ZNF385D: variants seen among roughly 807,000 people sequenced by gnomAD.
ZNF385D encodes zinc finger protein 659.
Under a neutral mutation model 35.8 loss-of-function variants are expected in ZNF385D, and 15 were observed. The observed-to-expected ratio is 0.42, with a 90% CI of 0.28 to 0.64. The LOEUF (loss-of-function observed/expected upper bound fraction) is 0.64. Ranked by LOEUF, ZNF385D falls within the 30% of genes least tolerant of loss-of-function variation. The pLI is 0.23. For synonymous variants in ZNF385D, 212 were observed against 186.8 expected (o/e 1.13, Z -1.10); for missense variants, 474 against 494.6 (o/e 0.96, Z 0.39).
intron 2 of ZNF385D, among the ~76,000 whole-genome samples, chr3:22,177,647 T>G (rs2125772941): frequency 6.6e-6 from 1 of 152,330 alleles, no homozygotes; most frequent in African/African-American, 2.4e-5. Flanking sequence ...GTTTGTTACA[T>G]ATGTATACAT....
chr3:21,635,571 T>C (rs112903621), intron 2 of ZNF385D, among the ~76,000 whole-genome samples: 322 of 152,056 alleles, frequency 2.1e-3, no homozygotes, highest in African/African-American at 6.4e-3. Flanking sequence ...TTTGTTGTTG[T>C]TGTTGTTTCC....
rs374965415 is a variant in ZNF385D at position 22,275,695 on chromosome 3, C to T, written c.106+96755G>A. ...TCAACTTTAATAAATGACAGAAAAG[C>T]CATATCCTTATATCTGGTGATGTCA... On this transcript the variant is annotated intron_variant, in intron 2 of 5. Coordinates refer to the ZNF385D transcript ENST00000494108. Among the ~76,000 whole-genome samples the T allele has an allele frequency of 3.9e-4, 59 of 152,180 alleles. No individual in the cohort carries two copies. In the East Asian group the frequency reaches 7.7e-3, roughly 20 times the overall value.
In ZNF385D at chr3:21,889,471, G is replaced by A. The variant is rs1441275128; in HGVS notation, c.326-224443C>T. ...TAGCACCCAGTGGGGAGGGGTTCCA[G>A]GAACCCACAGTGCTCTTTACAGAAG... On this transcript the variant is annotated intron_variant, in intron 3 of 5. Transcript: ENST00000494108. Among the ~76,000 whole-genome samples, 4 of 152,174 alleles carry A rather than the reference G, an allele frequency of 2.6e-5. No homozygotes were observed. In the East Asian group the frequency reaches 7.7e-4, roughly 29 times the overall value.
chr3:22,371,965 G>T (rs1160409760), intron 2 of ZNF385D, among the ~76,000 whole-genome samples: 1 of 152,158 alleles, frequency 6.6e-6, no homozygotes, highest in Admixed American at 6.5e-5. Flanking sequence ...AAGGAAGCAG[G>T]AAGCTGTCCC....
At chr3:22,366,358 G>A (rs1437158909) in intron 2 of ZNF385D, among the ~76,000 whole-genome samples, 4 of 151,972 alleles carry the variant, frequency 2.6e-5, no homozygotes, top group Admixed American at 6.6e-5. Flanking sequence ...TGTCAACTTC[G>A]ATATTCCCAG....
At chr3:22,313,143 GC>G (rs1703672816) in intron 2 of ZNF385D, among the ~76,000 whole-genome samples, 1 of 151,192 alleles carries the variant, frequency 6.6e-6, no homozygotes, top group African/African-American at 2.4e-5. Flanking sequence ...GCAAACTATC[GC>G]CAAGGACAAA....
chr3:22,208,125 A>C (rs1697275855), intron 2 of ZNF385D, among the ~76,000 whole-genome samples: 1 of 152,012 alleles, frequency 6.6e-6, no homozygotes, highest in African/African-American at 2.4e-5. Flanking sequence ...AGATATATAA[A>C]ATAACATGCT....
chr3:21,539,156 G>T lies in ZNF385D; in HGVS notation c.276+25418C>A, dbSNP rs981238070. ...TAATAATGCAACCCTTGACAAACCTGATCAACTCCTATCCCAGGAAGATTC... is the reference window on the plus strand; with the variant it reads ...TAATAATGCAACCCTTGACAAACCTTATCAACTCCTATCCCAGGAAGATTC... On this transcript the variant is annotated intron_variant, in intron 3 of 7. Coordinates refer to ENST00000281523, the MANE Select transcript of ZNF385D (RefSeq NM_024697.3). The surrounding 1 kb of genome is among the most constrained non-coding windows in gnomAD (Gnocchi z 4.0). Among the ~76,000 whole-genome samples the T allele has an allele frequency of 3.3e-5, 5 of 151,962 alleles. No individual in the cohort carries two copies. The highest frequency in any genetic ancestry group is 1.2e-4 in the African/African-American group (5 of 41,390).
chr3:21,947,684 A>AT (rs1036929443), intron 3 of ZNF385D, among the ~76,000 whole-genome samples: 18 of 152,038 alleles, frequency 1.2e-4, no homozygotes, highest in South Asian at 4.1e-4. Flanking sequence ...TTGCATGACT[A>AT]TTTTTTGCGT....
intron 2 of ZNF385D, among the ~76,000 whole-genome samples, chr3:21,643,891 C>T (rs2065677364): frequency 6.6e-6 from 1 of 152,044 alleles, no homozygotes; most frequent in Admixed American, 6.6e-5. Flanking sequence ...TGGTTTAGAA[C>T]AAAGGGCAAC....
intron 2 of ZNF385D, among the ~76,000 whole-genome samples, chr3:22,302,573 TATTC>T (rs1702962091): frequency 6.6e-6 from 1 of 152,012 alleles, no homozygotes; most frequent in African/African-American, 2.4e-5. Context: ...CTCTTTTGGC[TATTC>T]TTTTGTTTTT....
At chr3:22,283,547 T>A (rs146900847) in intron 2 of ZNF385D, among the ~76,000 whole-genome samples, 114 of 152,288 alleles carry the variant, frequency 7.5e-4, no homozygotes, top group African/African-American at 2.6e-3. Flanking sequence ...TGACTTTTCA[T>A]GAGCAAAGCA....
intron 2 of ZNF385D, among the ~76,000 whole-genome samples, chr3:21,629,657 C>A (rs1473023906): frequency 6.6e-6 from 1 of 152,084 alleles, no homozygotes; most frequent in African/African-American, 2.4e-5. Flanking sequence ...GCCTCAAATT[C>A]CACCAAAAGA....
intron 3 of ZNF385D, among the ~76,000 whole-genome samples, chr3:21,839,716 T>G (rs1310286229): frequency 6.6e-6 from 1 of 152,010 alleles, no homozygotes; most frequent in Non-Finnish European, 1.5e-5. Context: ...GAACAGCCAT[T>G]ATTTGGAACA....
rs192328309 is a variant in ZNF385D, at chr3:21,519,786, G to A, written c.277-8763C>T. On this transcript the variant is annotated intron_variant, in intron 3 of 7. Transcript: ENST00000281523. ...AGAAACCACTTCGTCTAGCTGCTCA[G>A]CCAGTGTACAAAATCCCTTCAGAAT... Among the ~76,000 whole-genome samples the A allele has an allele frequency of 1.3e-3, 205 of 152,276 alleles. 1 individual carries two copies. The highest frequency in any genetic ancestry group is 4.6e-3 in the African/African-American group (193 of 41,564).
intron 2 of ZNF385D, among the ~76,000 whole-genome samples, chr3:21,629,313 G>A (rs1299007260): frequency 6.6e-6 from 1 of 152,032 alleles, no homozygotes; most frequent in Non-Finnish European, 1.5e-5. Context: ...TGGAGGTTGG[G>A]GCCTACAGAA....
intron 2 of ZNF385D, among the ~76,000 whole-genome samples, chr3:22,365,980 G>C (rs1257290734): frequency 6.6e-6 from 1 of 151,926 alleles, no homozygotes; most frequent in East Asian, 1.9e-4. Context: ...TGGGGATTCA[G>C]GATTTTTATT....
intron 3 of ZNF385D, among the ~76,000 whole-genome samples, chr3:22,023,922 A>C (rs1228097406): frequency 6.6e-6 from 1 of 152,060 alleles, no homozygotes; most frequent in East Asian, 1.9e-4. Flanking sequence ...AGAATACCTG[A>C]GACTGGGGTT....
chr3:22,214,958 T>C (rs573604529), intron 2 of ZNF385D, among the ~76,000 whole-genome samples: 21 of 151,976 alleles, frequency 1.4e-4, no homozygotes, highest in Non-Finnish European at 2.6e-4. Flanking sequence ...TAATAAAACT[T>C]GCTGGTTTTA....
Sources: allele counts gnomAD v4.1 joint callset (sites outside exome capture counted in the v4.1 genomes callset), GRCh38; gene constraint gnomAD v4.1.1; non-coding constraint Gnocchi (gnomAD v3.1); transcripts MANE v1.5; gene names NCBI Gene and HGNC (gene_info 2026-07-23, HGNC 2026-07-21).